The following DPP10 variants were observed in gnomAD, a reference collection of about 807,000 sequenced individuals.
The protein encoded by DPP10 is inactive dipeptidyl peptidase 10.
Under a neutral mutation model 120.9 loss-of-function variants are expected in DPP10, and 33 were observed. The ratio of observed to expected loss-of-function variants is 0.27; its 90% CI spans 0.21 to 0.37. DPP10 has a LOEUF of 0.37. DPP10 is among the 10% of genes least tolerant of loss of function. DPP10 has a pLI of 1.00. For synonymous variants in DPP10, 337 were observed against 326.1 expected, an observed-to-expected ratio of 1.03 and a Z score of -0.36; for missense variants, 816 against 942.8, an observed-to-expected ratio of 0.87 and a Z score of 1.76.
At chr2:115,169,626 C>G (rs2053165489) in intron 1 of DPP10, among the ~76,000 whole-genome samples, 1 of 152,044 alleles carries the variant, frequency 6.6e-6, no homozygotes, top group Non-Finnish European at 1.5e-5. Flanking sequence ...TATTCTCTTT[C>G]CAGAAGTTTG....
intron 1 of DPP10, among the ~76,000 whole-genome samples, chr2:115,240,985 T>A (rs1345426436): frequency 6.6e-6 from 1 of 152,172 alleles, no homozygotes; most frequent in Admixed American, 6.5e-5. Context: ...AAAAAAGTAG[T>A]GTTGGTCGGG....
At chr2:115,190,809 A>G (rs2054826275) in intron 1 of DPP10, among the ~76,000 whole-genome samples, 1 of 152,222 alleles carries the variant, frequency 6.6e-6, no homozygotes, top group Non-Finnish European at 1.5e-5. Flanking sequence ...CGCACATAAC[A>G]GTCGCTTTTG....
chr2:115,587,784 G>T (rs1302781630), intron 5 of DPP10, among the ~76,000 whole-genome samples: 2 of 152,130 alleles, frequency 1.3e-5, no homozygotes, highest in Non-Finnish European at 2.9e-5. Flanking sequence ...TAAAGTGTTT[G>T]ATCACATGTT....
intron 1 of DPP10, among the ~76,000 whole-genome samples, chr2:115,157,244 C>CAAAAAAAAAA (rs569338436): frequency 3.2e-4 from 32 of 101,470 alleles, no homozygotes; most frequent in African/African-American, 1.1e-3. Flanking sequence ...TTAAATATAG[C>CAAAAAAAAAA]AAAAAAAAAA....
chr2:115,333,934 G>C (rs561630046), intron 2 of DPP10, among the ~76,000 whole-genome samples: 15 of 151,882 alleles, frequency 9.9e-5, no homozygotes, highest in South Asian at 2.1e-4. Flanking sequence ...GAGAAGAGAA[G>C]TTTAGGGAAA....
intron 3 of DPP10, among the ~76,000 whole-genome samples, chr2:115,453,825 G>T (rs184350352): frequency 6.6e-6 from 1 of 151,218 alleles, no homozygotes; most frequent in East Asian, 1.9e-4. Context: ...TCTTTAAAAA[G>T]ACCAACAAAA....
At chr2:115,708,352 T>C (rs1018281658) in intron 7 of DPP10, among the ~76,000 whole-genome samples, 41 of 152,014 alleles carry the variant, frequency 2.7e-4, no homozygotes, top group African/African-American at 9.2e-4. Context: ...GCTAATAATA[T>C]TGAAGTTGGC....
chr2:115,229,737 A>ATTCTATTCTT (rs1351592720), intron 1 of DPP10, among the ~76,000 whole-genome samples: 1 of 148,940 alleles, frequency 6.7e-6, no homozygotes, highest in East Asian at 2.0e-4. Context: ...ATTCTATTCT[A>ATTCTATTCTT]TTCTATTCTA....
chr2:114,587,977 T>A (rs80244356), intron 1 of DPP10, among the ~76,000 whole-genome samples: 1,970 of 152,356 alleles, frequency 0.013, 43 homozygotes, highest in African/African-American at 0.045. Flanking sequence ...TGAAGCAACA[T>A]TTACTGCAAT....
At chr2:114,883,140 C>T (rs1423427950) in intron 1 of DPP10, among the ~76,000 whole-genome samples, 1 of 152,150 alleles carries the variant, frequency 6.6e-6, no homozygotes, top group East Asian at 1.9e-4. Flanking sequence ...CAGTTCCTGG[C>T]CAAGTGTATG....
At chr2:115,639,994 G>A (rs1288765879) in intron 5 of DPP10, among the ~76,000 whole-genome samples, 1 of 150,568 alleles carries the variant, frequency 6.6e-6, no homozygotes, top group Non-Finnish European at 1.5e-5. Context: ...ATAAAATTCA[G>A]GCTGGAGATG....
rs1283533979 is a variant in DPP10 at position 115,843,088 on chromosome 2, T to G, written c.*743T>G. 6.6e-6 allele frequency: 1 copy of G among 152,646 alleles called. No individual in the cohort carries two copies. The highest frequency in any genetic ancestry group is 1.9e-4 in the East Asian group (1 of 5,196). The allele number at this position is 152,646 out of a possible 1,614,324, so 9.5% of individuals were successfully genotyped here. ...TAAACGTTTGATGAATTAGAAGAGA[T>G]GCTCTTTTCCAAGCTATAATGGATG... On this transcript the variant is annotated 3_prime_UTR_variant, in exon 26 of 26. Coordinates refer to ENST00000410059, the MANE Select transcript of DPP10 (RefSeq NM_020868.6).
At chr2:115,294,738 C>G (rs1421051273) in intron 1 of DPP10, among the ~76,000 whole-genome samples, 1 of 152,054 alleles carries the variant, frequency 6.6e-6, no homozygotes, top group Non-Finnish European at 1.5e-5. Context: ...AACTATTAAG[C>G]CTGACCAAAT....
chr2:115,030,931 G>C (rs1162987516), intron 1 of DPP10, among the ~76,000 whole-genome samples: 1 of 152,102 alleles, frequency 6.6e-6, no homozygotes, highest in African/African-American at 2.4e-5. Flanking sequence ...AGAATGTAAG[G>C]AATTATTTTC....
At position 114,474,543 on chromosome 2, in the gene DPP10, T is replaced by A. The variant is rs571725559; in HGVS notation, c.60+31705T>A. ...GGGACTGAGTAAATACAGGGCTCTG[T>A]GCAACACAGGAAGAATTCTTAAGGG... On this transcript the variant is annotated intron_variant, in intron 1 of 25. Transcript: ENST00000410059. Among the ~76,000 whole-genome samples the A allele has an allele frequency of 3.9e-5, 6 of 152,226 alleles. No individual in the cohort carries two copies. In the South Asian group the frequency reaches 1.2e-3, roughly 32 times the overall value.
At chr2:114,943,433 C>A (rs1444447173) in intron 1 of DPP10, among the ~76,000 whole-genome samples, 2 of 152,212 alleles carry the variant, frequency 1.3e-5, no homozygotes, top group Admixed American at 6.5e-5. Context: ...GCCACCACGC[C>A]CAGCTAATTT....
intron 5 of DPP10, among the ~76,000 whole-genome samples, chr2:115,680,064 C>T (rs935575950): frequency 3.3e-5 from 5 of 151,990 alleles, no homozygotes; most frequent in African/African-American, 4.8e-5. Flanking sequence ...CAGATTTAAT[C>T]ATTACATATT....
chr2:115,428,999 A>G (rs2070734541), intron 3 of DPP10, among the ~76,000 whole-genome samples: 1 of 152,164 alleles, frequency 6.6e-6, no homozygotes, highest in Non-Finnish European at 1.5e-5. Flanking sequence ...TTCAGATTAT[A>G]TCAGGTAGCG....
At chr2:115,002,418 C>T (rs1238661041) in intron 1 of DPP10, among the ~76,000 whole-genome samples, 1 of 152,120 alleles carries the variant, frequency 6.6e-6, no homozygotes, top group Admixed American at 6.5e-5. Context: ...TATAAAACTT[C>T]TGAAAGATAA....
Sources: allele counts gnomAD v4.1 joint callset (sites outside exome capture counted in the v4.1 genomes callset), GRCh38; gene constraint gnomAD v4.1.1; transcripts MANE v1.5; gene names NCBI Gene and HGNC (gene_info 2026-07-23, HGNC 2026-07-21).